CFAP20DC: variants seen among roughly 807,000 people sequenced by gnomAD.
CFAP20DC encodes CFAP20 domain containing, also known as protein CFAP20DC.
A neutral mutation model predicts 101.7 loss-of-function variants in CFAP20DC; 84 were observed. The observed-to-expected ratio is 0.83, with a 90% CI of 0.69 to 0.99. The LOEUF (loss-of-function observed/expected upper bound fraction) is 0.99, where lower values mean the gene tolerates loss of function less well. Ranked by LOEUF, CFAP20DC falls within the 50% of genes least tolerant of loss-of-function variation. CFAP20DC has a pLI of 0.00. For synonymous variants in CFAP20DC, 359 were observed against 351.2 expected (o/e 1.02, Z -0.25); for missense variants, 1,007 against 970.3 (o/e 1.04, Z -0.50).
Position 58,992,788 on chromosome 3 carries a change from T to C in CFAP20DC, c.278+46769A>G, listed in dbSNP as rs868495852. Among the ~76,000 whole-genome samples, 32 of 152,232 alleles carry C rather than the reference T, an allele frequency of 2.1e-4. No individual in the cohort carries two copies. The Middle Eastern group carries it at 0.01, about 49-fold the overall frequency. ...AAATATAATGCTTAGTCAGGTAAGG[T>C]ATGTAAAAAATATCTACATAAATAT... On this transcript the variant is annotated intron_variant, in intron 4 of 16. Transcript: ENST00000482387.
chr3:58,963,655 C>T (rs757912363), intron 4 of CFAP20DC, among the ~76,000 whole-genome samples: 1 of 152,008 alleles, frequency 6.6e-6, no homozygotes, highest in Non-Finnish European at 1.5e-5. Context: ...AAGATACTTT[C>T]ATTATTCATA....
intron 4 of CFAP20DC, among the ~76,000 whole-genome samples, chr3:58,963,190 T>TTGTGTGTGTGTGTGTGTGTGTGTG (rs56234919): frequency 1.4e-4 from 16 of 118,300 alleles, no homozygotes; most frequent in Non-Finnish European, 2.4e-4. Context: ...GTTCAGTAGT[T>TTGTGTGTGTGTGTGTGTGTGTGTG]TGTGTGTGTG....
chr3:58,895,242 T>C (rs1241864832), intron 6 of CFAP20DC, among the ~76,000 whole-genome samples: 8 of 152,262 alleles, frequency 5.3e-5, no homozygotes, highest in Non-Finnish European at 1.0e-4. Context: ...TTTTCTTTTC[T>C]ATCGCATTGT....
intron 4 of CFAP20DC, among the ~76,000 whole-genome samples, chr3:58,997,747 A>G (rs2093180376): frequency 6.6e-6 from 1 of 152,258 alleles, no homozygotes; most frequent in African/African-American, 2.4e-5. Flanking sequence ...AAACAGGTCT[A>G]GTCTTGTAAG....
intron 13 of CFAP20DC, among the ~76,000 whole-genome samples, chr3:58,848,558 G>A (rs1253354641): frequency 6.6e-6 from 1 of 152,100 alleles, no homozygotes; most frequent in Non-Finnish European, 1.5e-5. Context: ...GGATTTATTC[G>A]ATGACACTGT....
At chr3:58,919,125 G>T (rs1269414030) in intron 5 of CFAP20DC, among the ~76,000 whole-genome samples, 1 of 152,120 alleles carries the variant, frequency 6.6e-6, no homozygotes, top group Non-Finnish European at 1.5e-5. Context: ...CATCATAGGG[G>T]CAACCACTGA....
intron 5 of CFAP20DC, among the ~76,000 whole-genome samples, chr3:58,935,731 T>C (rs2087475626): frequency 6.6e-6 from 1 of 152,206 alleles, no homozygotes; most frequent in Non-Finnish European, 1.5e-5. Context: ...TGTAGAAAGC[T>C]GAAACTGGAT....
intron 15 of CFAP20DC, among the ~76,000 whole-genome samples, chr3:58,758,021 C>G (rs1263442225): frequency 6.6e-6 from 1 of 152,094 alleles, no homozygotes; most frequent in African/African-American, 2.4e-5. Context: ...CAAGAGGAGG[C>G]TGGAGTATGC....
intron 15 of CFAP20DC, among the ~76,000 whole-genome samples, chr3:58,776,173 C>G (rs2071324249): frequency 6.6e-6 from 1 of 152,180 alleles, no homozygotes; most frequent in Non-Finnish European, 1.5e-5. Context: ...CAACAGTCCA[C>G]TCTTGGAATT....
At chr3:58,871,380 T>C (rs1433926326) in intron 7 of CFAP20DC, among the ~76,000 whole-genome samples, 1 of 152,116 alleles carries the variant, frequency 6.6e-6, no homozygotes, top group East Asian at 1.9e-4. Context: ...CTGAAGGTTT[T>C]AGAGAGAAAG....
intron 16 of CFAP20DC, among the ~76,000 whole-genome samples, chr3:58,746,518 C>T (rs2068216810): frequency 6.6e-6 from 1 of 152,116 alleles, no homozygotes; most frequent in African/African-American, 2.4e-5. Flanking sequence ...TTGTAATGGC[C>T]ATGGGTCTTT....
intron 3 of CFAP20DC, among the ~76,000 whole-genome samples, chr3:59,042,478 G>A (rs186431025): frequency 1.3e-5 from 2 of 151,998 alleles, no homozygotes; most frequent in African/African-American, 4.8e-5. Context: ...CTGTGCATGG[G>A]TGCCAAGGTG....
chr3:58,817,521 A>G (rs2075286536), intron 14 of CFAP20DC, among the ~76,000 whole-genome samples: 1 of 146,732 alleles, frequency 6.8e-6, no homozygotes, highest in South Asian at 2.3e-4. Context: ...GATGCGATCA[A>G]CTGGAAGAAA....
chr3:58,826,131 A>G (rs2076021611), intron 14 of CFAP20DC, among the ~76,000 whole-genome samples: 1 of 152,044 alleles, frequency 6.6e-6, no homozygotes. Flanking sequence ...TTTTCTTCCT[A>G]TTTGCAATCA....
intron 14 of CFAP20DC, among the ~76,000 whole-genome samples, chr3:58,816,606 G>A (rs902646937): frequency 1.4e-4 from 21 of 150,366 alleles, no homozygotes; most frequent in South Asian, 6.3e-4. Context: ...GGTGAACCAC[G>A]AGATTATATC....
intron 4 of CFAP20DC, among the ~76,000 whole-genome samples, chr3:58,955,708 T>C (rs1160214080): frequency 6.6e-6 from 1 of 151,936 alleles, no homozygotes; most frequent in African/African-American, 2.4e-5. Context: ...TGGGGGGGCA[T>C]GTGACCTCTT....
At chr3:58,921,939 A>G (rs929497368) in intron 5 of CFAP20DC, among the ~76,000 whole-genome samples, 1 of 152,192 alleles carries the variant, frequency 6.6e-6, no homozygotes, top group Non-Finnish European at 1.5e-5. Context: ...CCTCCTTATC[A>G]TTGTGAAACA....
rs2093330378 is a variant in CFAP20DC, at chr3:59,002,194, T to C, written c.278+37363A>G. Among the ~76,000 whole-genome samples, 3 of 152,200 alleles carry C rather than the reference T, an allele frequency of 2.0e-5. No homozygotes were observed. The highest frequency in any genetic ancestry group is 2.1e-4 in the South Asian group (1 of 4,818). ...AGCCTCTGTTTCCTCATCTACAAAA[T>C]GGAACAAAGGGGAATAAATACCTCT... is the stretch of plus-strand genomic sequence containing the variant. On this transcript the variant is annotated intron_variant, in intron 4 of 16. Coordinates refer to ENST00000482387, the MANE Select transcript of CFAP20DC (RefSeq NM_001394063.1). This position sits in a 1 kb window ranked among gnomAD's most constrained non-coding sequence, Gnocchi z 4.5.
At chr3:58,737,304 T>TCACA (rs72290352), downstream of CFAP20DC, 71 of 439,154 alleles carry the variant, frequency 1.6e-4, no homozygotes, top group East Asian at 4.0e-3. This position sits in a 1 kb window ranked among gnomAD's most constrained non-coding sequence, Gnocchi z 4.1. Context: ...CAAATCTCTC[T>TCACA]CACACACACA....
Sources: allele counts gnomAD v4.1 joint callset (sites outside exome capture counted in the v4.1 genomes callset), GRCh38; gene constraint gnomAD v4.1.1; non-coding constraint Gnocchi (gnomAD v3.1); transcripts MANE v1.5; gene names NCBI Gene and HGNC (gene_info 2026-07-23, HGNC 2026-07-21).